The following ZBTB7C variants were observed in gnomAD, a reference collection of about 807,000 sequenced individuals.
The protein encoded by ZBTB7C is zinc finger and BTB domain-containing protein 7C.
ZBTB7C carries 8 observed loss-of-function variants against 25.7 expected under a neutral mutation model. The observed-to-expected ratio is 0.31, with a 90% CI of 0.18 to 0.56. ZBTB7C has a LOEUF of 0.56. ZBTB7C is among the 20% of genes least tolerant of loss of function. The pLI is 0.91. For missense variants in ZBTB7C, 824 were observed against 855.2 expected (o/e 0.96, Z 0.46); for synonymous variants, 394 against 369.0 (o/e 1.07, Z -0.78).
chr18:48,173,816 T>C (rs1052263889), intron 3 of ZBTB7C, among the ~76,000 whole-genome samples: 4 of 152,222 alleles, frequency 2.6e-5, no homozygotes, highest in African/African-American at 7.2e-5. Flanking sequence ...TGGTAGGTCC[T>C]GTCACTGGAC....
At chr18:48,275,668 C>G (rs2044624645) in intron 2 of ZBTB7C, among the ~76,000 whole-genome samples, 1 of 152,182 alleles carries the variant, frequency 6.6e-6, no homozygotes, top group African/African-American at 2.4e-5. Flanking sequence ...TTCCCCTGCA[C>G]TTGTATTTTT....
chr18:48,144,639 C>A (rs1300148389), intron 3 of ZBTB7C, among the ~76,000 whole-genome samples: 2 of 152,160 alleles, frequency 1.3e-5, no homozygotes, highest in African/African-American at 4.8e-5. Context: ...AGCCACTACA[C>A]CAGGCCAAAT....
At chr18:48,184,537 A>G (rs1243065190) in intron 3 of ZBTB7C, among the ~76,000 whole-genome samples, 1 of 152,162 alleles carries the variant, frequency 6.6e-6, no homozygotes, top group Non-Finnish European at 1.5e-5. Flanking sequence ...TGCTCATCCA[A>G]TGTGAATACT....
chr18:48,080,670 C>G (rs942224396), intron 3 of ZBTB7C, among the ~76,000 whole-genome samples: 5 of 152,202 alleles, frequency 3.3e-5, no homozygotes, highest in African/African-American at 1.2e-4. Flanking sequence ...GATGTGGCAC[C>G]ATGTGACATG....
At chr18:48,406,692 T>C (rs2048290660) in intron 1 of ZBTB7C, among the ~76,000 whole-genome samples, 1 of 152,242 alleles carries the variant, frequency 6.6e-6, no homozygotes, top group Non-Finnish European at 1.5e-5. Context: ...AACTCTGCAC[T>C]AGCCTTGAAT....
upstream of ZBTB7C, among the ~76,000 whole-genome samples, chr18:48,409,578 C>A (rs1211873199): frequency 6.7e-6 from 1 of 149,380 alleles, no homozygotes; most frequent in East Asian, 2.0e-4. Flanking sequence ...TCGCGCCCGC[C>A]CCCTCCCCGC....
intron 3 of ZBTB7C, among the ~76,000 whole-genome samples, chr18:48,052,804 T>C (rs1457454542): frequency 6.6e-6 from 1 of 152,198 alleles, no homozygotes; most frequent in African/African-American, 2.4e-5. Flanking sequence ...TAAGACTAGC[T>C]GGTTGTGAAT....
At chr18:48,055,710 AG>A (rs1034800975) in intron 3 of ZBTB7C, among the ~76,000 whole-genome samples, 1 of 152,154 alleles carries the variant, frequency 6.6e-6, no homozygotes, top group African/African-American at 2.4e-5. Flanking sequence ...CCCGACCTAA[AG>A]GAAGAATAGT....
At chr18:48,256,295 T>C (rs2044019028) in intron 2 of ZBTB7C, among the ~76,000 whole-genome samples, 1 of 151,864 alleles carries the variant, frequency 6.6e-6, no homozygotes. Flanking sequence ...ACACATTACA[T>C]GCAGAAAAAA....
rs758071424 is a variant in ZBTB7C at position 48,029,731 on chromosome 18, C to G, written c.1389G>C (p.Leu463=). The G allele has an allele frequency of 1.2e-6, 2 of 1,604,158 alleles. No individual in the cohort carries two copies. Among genetic ancestry groups the G allele is most frequent in the Non-Finnish European group, 1.7e-6 (2 of 1,178,190 alleles). Residue 463 remains leucine (L), a synonymous_variant, in exon 5 of 5, where the codon CTG becomes CTC. Coordinates refer to ENST00000590800, the MANE Select transcript of ZBTB7C (RefSeq NM_001318841.2). ...CYKSFTRSDH[L]HRHIKRQSCR... is the part of the protein sequence containing the mutation. ...AGCTCTGGCGCTTGATGTGGCGGTG[C>G]AGGTGGTCAGAGCGCGTGAAGCTCT...
rs373077555 is a variant in ZBTB7C, at chr18:48,318,311, A to AC, written c.-79+19862dup. On this transcript the variant is annotated intron_variant, in intron 2 of 4. Transcript: ENST00000590800. ...CTCCCATAGGACTGGTTGGGAACCA[A>AC]CCCCCCCTCACAAGTCCTCCCCTGC... Among the ~76,000 whole-genome samples, 1,008 of 146,952 alleles carry AC rather than the reference A, an allele frequency of 6.9e-3. 17 individuals carry two copies. Among genetic ancestry groups the AC allele is most frequent in the African/African-American group, 0.024 (966 of 39,758 alleles).
At chr18:48,321,859 C>T (rs1346671026) in intron 2 of ZBTB7C, among the ~76,000 whole-genome samples, 3 of 152,200 alleles carry the variant, frequency 2.0e-5, no homozygotes, top group Non-Finnish European at 2.9e-5. Flanking sequence ...CTCCAATGAG[C>T]TGGAGGCTGT....
At chr18:48,253,291 A>T (rs2043923673) in intron 2 of ZBTB7C, among the ~76,000 whole-genome samples, 1 of 152,154 alleles carries the variant, frequency 6.6e-6, no homozygotes, top group South Asian at 2.1e-4. Flanking sequence ...AAAAATACTT[A>T]AAAAAATAAA....
At chr18:48,327,471 G>A (rs1359894459) in intron 2 of ZBTB7C, among the ~76,000 whole-genome samples, 6 of 152,290 alleles carry the variant, frequency 3.9e-5, no homozygotes, top group Middle Eastern at 3.4e-3. Flanking sequence ...CAGCTTTGCC[G>A]TGAACTCACT....
intron 3 of ZBTB7C, among the ~76,000 whole-genome samples, chr18:48,069,606 A>G (rs2037466319): frequency 6.6e-6 from 1 of 151,908 alleles, no homozygotes; most frequent in Non-Finnish European, 1.5e-5. Context: ...GGGCCCCTCT[A>G]TCCTCTCCCA....
chr18:48,069,914 C>A (rs4991049), intron 3 of ZBTB7C, among the ~76,000 whole-genome samples: 97,857 of 151,948 alleles, frequency 0.64, 33,021 homozygotes, highest in African/African-American at 0.85. Flanking sequence ...GCCCCTGGAG[C>A]GGGAGGAGAG....
At chr18:48,064,264 G>A (rs1395481785) in intron 3 of ZBTB7C, among the ~76,000 whole-genome samples, 1 of 152,224 alleles carries the variant, frequency 6.6e-6, no homozygotes, top group African/African-American at 2.4e-5. Context: ...TTAACAAGAA[G>A]CTCTGCTGGT....
chr18:48,226,008 T>C (rs1343437766), intron 2 of ZBTB7C, among the ~76,000 whole-genome samples: 1 of 152,214 alleles, frequency 6.6e-6, no homozygotes, highest in African/African-American at 2.4e-5. Flanking sequence ...CCCAAAGTGC[T>C]GGCATTACAG....
chr18:48,038,679 C>T (rs756803544), intron 4 of ZBTB7C, among the ~76,000 whole-genome samples: 3 of 152,036 alleles, frequency 2.0e-5, no homozygotes, highest in Non-Finnish European at 2.9e-5. Flanking sequence ...GAGCTGCCAC[C>T]AATTCCCAAA....
Sources: gnomAD v4.1 joint callset for allele counts (sites outside exome capture counted in the v4.1 genomes callset) on GRCh38, gnomAD v4.1.1 for gene constraint, MANE v1.5 for transcripts, NCBI Gene and HGNC (gene_info 2026-07-23, HGNC 2026-07-21) for gene names.